USP6NL: variants seen among roughly 807,000 people sequenced by gnomAD.
The protein encoded by USP6NL is USP6 N-terminal-like protein.
A neutral mutation model predicts 61.9 loss-of-function variants in USP6NL; 26 were observed. The observed-to-expected ratio is 0.42, with a 90% confidence interval of 0.31 to 0.58. The LOEUF (loss-of-function observed/expected upper bound fraction) is 0.58, where lower values mean the gene tolerates loss of function less well. Among genes scored for constraint, USP6NL ranks in the 20% least tolerant of loss-of-function variants. USP6NL has a pLI of 0.16. For synonymous variants in USP6NL, 432 were observed against 390.1 expected, an observed-to-expected ratio of 1.11 and a Z score of -1.27; for missense variants, 1,114 against 1,034.3, an observed-to-expected ratio of 1.08 and a Z score of -1.06.
Position 11,487,064 on chromosome 10 carries a change from G to A in USP6NL, c.665-1153C>T, listed in dbSNP as rs1025786257. On this transcript the variant is annotated intron_variant, in intron 10 of 14. Transcript: ENST00000609104. This position sits in a 1 kb window ranked among gnomAD's most constrained non-coding sequence, Gnocchi z 4.2. ...TTGTTTCATTAAAAAAAAAAAATCC[G>A]TATCTATCAGTGCCACTTTCATAGT... 1.3e-5 allele frequency among the ~76,000 whole-genome samples: 2 copies of A among 150,722 alleles called. No homozygotes were observed. The highest frequency in any genetic ancestry group is 1.9e-4 in the East Asian group (1 of 5,168).
chr10:11,555,248 T>G (rs1836647551), intron 2 of USP6NL, among the ~76,000 whole-genome samples: 1 of 147,680 alleles, frequency 6.8e-6, no homozygotes, highest in African/African-American at 2.5e-5. Context: ...AAACCGCGTC[T>G]CTACTAAAGT....
At position 11,593,909 on chromosome 10, in the gene USP6NL, A is replaced by T. The variant is rs183572639; in HGVS notation, c.4+3722T>A. On this transcript the variant is annotated intron_variant, in intron 2 of 14. Transcript: ENST00000609104. ...CATGTTCTAGCGTTTGATAACATGG[A>T]AAGGGCTGGGAAACACTGCAAAGAT... 2.7e-3 allele frequency among the ~76,000 whole-genome samples: 415 copies of T among 152,320 alleles called. 3 individuals carry two copies. The highest frequency in any genetic ancestry group is 9.5e-3 in the African/African-American group (394 of 41,572).
intron 1 of USP6NL, among the ~76,000 whole-genome samples, chr10:11,603,058 G>A (rs1838597234): frequency 6.6e-6 from 1 of 152,186 alleles, no homozygotes; most frequent in African/African-American, 2.4e-5. Context: ...AAGGAGGTTT[G>A]TTTACGCTAT....
In USP6NL at chr10:11,496,309, G is replaced by A. The variant is rs1450771006; in HGVS notation, c.385-3081C>T. On this transcript the variant is annotated intron_variant, in intron 7 of 14. Transcript: ENST00000609104. This position sits in a 1 kb window ranked among gnomAD's most constrained non-coding sequence, Gnocchi z 5.4. The stretch of plus-strand genomic sequence containing the variant: ...ACCTCCACTTCCAGAGGTTCCTGCA[G>A]TTGGCAATTACCAAGCCTTACGGAG... Among the ~76,000 whole-genome samples, 1 of 152,226 alleles carries A rather than the reference G, an allele frequency of 6.6e-6. No individual in the cohort carries two copies. The highest frequency in any genetic ancestry group is 1.5e-5 in the Non-Finnish European group (1 of 68,048).
intron 14 of USP6NL, among the ~76,000 whole-genome samples, chr10:11,472,092 G>A (rs1240967687): frequency 6.6e-6 from 1 of 152,090 alleles, no homozygotes; most frequent in Non-Finnish European, 1.5e-5. Context: ...ATTGGTGTTT[G>A]CCTAAGTGGT....
intron 2 of USP6NL, among the ~76,000 whole-genome samples, chr10:11,556,280 C>T (rs1776577229): frequency 1.3e-5 from 2 of 151,802 alleles, no homozygotes; most frequent in South Asian, 4.2e-4. Context: ...TAGGGTAACA[C>T]TAAAGAATAA....
chr10:11,463,376 T>TA lies in USP6NL; in HGVS notation c.1551dup (p.Thr518TyrfsTer23). The TA allele has an allele frequency of 6.2e-7, 1 of 1,614,020 alleles. No individual in the cohort carries two copies. Among genetic ancestry groups the TA allele is most frequent in the Non-Finnish European group, 8.5e-7 (1 of 1,179,890 alleles). ...CGCACCTCGGCAGGACCTGGGACGGTAACTGCGAGCGCGGGGTGCGCTGCT... is the reference window on the plus strand; with the variant it reads ...CGCACCTCGGCAGGACCTGGGACGGTAAACTGCGAGCGCGGGGTGCGCTGCT... On this transcript the variant is annotated frameshift_variant, in exon 15 of 15. Coordinates refer to ENST00000609104, the MANE Select transcript of USP6NL (RefSeq NM_014688.5). LOFTEE classifies it low-confidence loss of function (END_TRUNC). The surrounding 1 kb of genome is among the most constrained non-coding windows in gnomAD (Gnocchi z 6.3).
rs1396588323 is a variant in USP6NL, at chr10:11,463,602, C to T, written c.1326G>A (p.Lys442=). 6.2e-7 allele frequency: 1 copy of T among 1,613,972 alleles called. No homozygotes were observed. Among genetic ancestry groups the T allele is most frequent in the Non-Finnish European group, 8.5e-7 (1 of 1,179,878 alleles). ...TTTGAAAATCTGCCTCATCTTTAAGCTTTTTGCTCTCCTCCTCCACCGATT... is the reference window on the plus strand; with the variant it reads ...TTTGAAAATCTGCCTCATCTTTAAGTTTTTTGCTCTCCTCCTCCACCGATT... ...RRKSVEEESK[K]LKDEADFQRK... Residue 442 remains lysine (K), a synonymous_variant, in exon 15 of 15, where the codon AAG becomes AAA. Coordinates refer to ENST00000609104, the MANE Select transcript of USP6NL (RefSeq NM_014688.5). The surrounding 1 kb of genome is among the most constrained non-coding windows in gnomAD (Gnocchi z 6.3).
intron 2 of USP6NL, among the ~76,000 whole-genome samples, chr10:11,572,420 A>C (rs1837396191): frequency 6.6e-6 from 1 of 152,048 alleles, no homozygotes; most frequent in South Asian, 2.1e-4. Flanking sequence ...GTAAATGACA[A>C]CAGTCTCTCT....
intron 2 of USP6NL, among the ~76,000 whole-genome samples, chr10:11,594,523 C>T (rs1205437855): frequency 6.6e-6 from 1 of 152,148 alleles, no homozygotes; most frequent in Non-Finnish European, 1.5e-5. Flanking sequence ...ATGTAAATGA[C>T]CTGGACCCCA....
rs1833542066 is a variant in USP6NL, at chr10:11,487,965, G to A, written c.664+1137C>T. 6.6e-6 allele frequency among the ~76,000 whole-genome samples: 1 copy of A among 152,090 alleles called. No individual in the cohort carries two copies. Among genetic ancestry groups the A allele is most frequent in the Admixed American group, 6.5e-5 (1 of 15,268 alleles). The stretch of plus-strand genomic sequence containing the variant: ...CAAAGCTTATTCACAAACTGAACTT[G>A]GAAGATCCATTCTTAGAATAACTAG... On this transcript the variant is annotated intron_variant, in intron 10 of 14. Transcript: ENST00000609104. The surrounding 1 kb of genome is among the most constrained non-coding windows in gnomAD (Gnocchi z 4.2).
chr10:11,575,712 T>G lies in USP6NL; in HGVS notation c.4+21919A>C, dbSNP rs1376286125. ...GCAATCAATAGCTTTTTCTTGTTTCTCTCATTTTTCATCACACATTGCATC... is the reference window on the plus strand; with the variant it reads ...GCAATCAATAGCTTTTTCTTGTTTCGCTCATTTTTCATCACACATTGCATC... On this transcript the variant is annotated intron_variant, in intron 2 of 14. Transcript: ENST00000609104. The surrounding 1 kb of genome is among the most constrained non-coding windows in gnomAD (Gnocchi z 4.2). Among the ~76,000 whole-genome samples the G allele has an allele frequency of 6.6e-6, 1 of 152,234 alleles. No homozygotes were observed. Among genetic ancestry groups the G allele is most frequent in the East Asian group, 1.9e-4 (1 of 5,204 alleles).
chr10:11,538,697 A>T (rs1049063819), intron 2 of USP6NL, among the ~76,000 whole-genome samples: 6 of 152,208 alleles, frequency 3.9e-5, no homozygotes, highest in Non-Finnish European at 7.3e-5. Flanking sequence ...TTATATATTT[A>T]TTCCATTTAT....
intron 14 of USP6NL, among the ~76,000 whole-genome samples, chr10:11,464,181 G>A (rs1057089193): frequency 6.6e-6 from 1 of 152,224 alleles, no homozygotes; most frequent in South Asian, 2.1e-4. Context: ...CACACATGCA[G>A]CCTTGAAGAG....
Position 11,562,558 on chromosome 10 carries a change from T to C in USP6NL, c.5-34991A>G, listed in dbSNP as rs1836985119. ...CCACTGTGACTACTCTGAGTCTAGCTAGCCTGGACTGTTTCAGCCACTCAG... is the reference window on the plus strand; with the variant it reads ...CCACTGTGACTACTCTGAGTCTAGCCAGCCTGGACTGTTTCAGCCACTCAG... On this transcript the variant is annotated intron_variant, in intron 2 of 14. Transcript: ENST00000609104. The surrounding 1 kb of genome is among the most constrained non-coding windows in gnomAD (Gnocchi z 4.8). The C allele has an allele frequency of 1.3e-5, 13 of 985,328 alleles. No individual in the cohort carries two copies. Among genetic ancestry groups the C allele is most frequent in the Non-Finnish European group, 1.6e-5 (13 of 829,930 alleles). The allele number at this position is 985,328 out of a possible 1,614,324, so 61.0% of individuals were successfully genotyped here. A position where few individuals can be genotyped will look rare whatever the true frequency, so the allele number is the denominator to read the frequency against.
At chr10:11,586,007 T>C (rs1220280367) in intron 2 of USP6NL, among the ~76,000 whole-genome samples, 1 of 152,094 alleles carries the variant, frequency 6.6e-6, no homozygotes. Flanking sequence ...GAGATTAAGG[T>C]TGCACAACAA....
chr10:11,483,770 G>A (rs1209012806), intron 13 of USP6NL, among the ~76,000 whole-genome samples: 4 of 151,842 alleles, frequency 2.6e-5, no homozygotes, highest in Non-Finnish European at 5.9e-5. Context: ...TGACAGACTT[G>A]AATCCTGGAA....
In USP6NL at chr10:11,470,917, G is replaced by A. The variant is rs1832714955; in HGVS notation, c.1079-7068C>T. 2.0e-5 allele frequency among the ~76,000 whole-genome samples: 3 copies of A among 152,202 alleles called. No individual in the cohort carries two copies. The highest frequency in any genetic ancestry group is 2.0e-4 in the Admixed American group (3 of 15,284). On this transcript the variant is annotated intron_variant, in intron 14 of 14. Coordinates refer to ENST00000609104, the MANE Select transcript of USP6NL (RefSeq NM_014688.5). This position sits in a 1 kb window ranked among gnomAD's most constrained non-coding sequence, Gnocchi z 5.4. ...ACAGGAATTGGAGGCCTGGCGTGGT[G>A]GCTCACGCCTGTAATCCCAGCACTT...
At chr10:11,486,902 C>T (rs1317465251) in intron 10 of USP6NL, among the ~76,000 whole-genome samples, 4 of 152,112 alleles carry the variant, frequency 2.6e-5, no homozygotes, top group Admixed American at 6.6e-5. Flanking sequence ...ACCTGAGGCA[C>T]ATGCTATTGG....
Sources: gnomAD v4.1 joint callset for allele counts (sites outside exome capture counted in the v4.1 genomes callset) on GRCh38, gnomAD v4.1.1 for gene constraint, Gnocchi (gnomAD v3.1) non-coding constraint, MANE v1.5 for transcripts, NCBI Gene and HGNC (gene_info 2026-07-23, HGNC 2026-07-21) for gene names.